SLCO2A1: variants seen among roughly 807,000 people sequenced by gnomAD.
SLCO2A1 encodes matrin F/G 1.
SLCO2A1 carries 60 observed loss-of-function variants against 71.7 expected under a neutral mutation model. That is an observed-to-expected ratio of 0.84 (90% confidence interval 0.68 to 1.04). SLCO2A1 has a LOEUF of 1.04. Ranked by LOEUF, SLCO2A1 falls within the 50% of genes least tolerant of loss-of-function variation. The pLI, the probability that SLCO2A1 is intolerant of heterozygous loss-of-function variation, is 0.00. For missense variants in SLCO2A1, 745 were observed against 813.4 expected (o/e 0.92, Z 1.02); for synonymous variants, 308 against 326.7 (o/e 0.94, Z 0.62).
chr3:133,952,489 A>C (rs573732009), intron 5 of SLCO2A1, among the ~76,000 whole-genome samples: 1 of 152,184 alleles, frequency 6.6e-6, no homozygotes, highest in Admixed American at 6.5e-5. Flanking sequence ...CACTCCCCAC[A>C]TTCTCCACCC....
At chr3:133,945,332 G>A in intron 9 of SLCO2A1, 72 bp from the exon 10 acceptor site, 1 of 1,427,792 alleles carries the variant, frequency 7.0e-7, no homozygotes, top group Non-Finnish European at 9.5e-7. Flanking sequence ...CCAGCCCAGT[G>A]TGAGTTCCTG....
chr3:134,005,438 C>T (rs937571270), intron 1 of SLCO2A1, among the ~76,000 whole-genome samples: 13 of 149,564 alleles, frequency 8.7e-5, no homozygotes, highest in African/African-American at 1.7e-4. Context: ...ATCTGAGATG[C>T]TGTAGCTTTG....
chr3:133,960,912 T>G (rs1576435611), intron 3 of SLCO2A1, among the ~76,000 whole-genome samples: 1 of 148,412 alleles, frequency 6.7e-6, no homozygotes. Context: ...AGTGGGGAGG[T>G]GAGGAGGAGA....
chr3:133,960,227 A>C (rs1229363976), intron 3 of SLCO2A1, among the ~76,000 whole-genome samples: 5 of 152,246 alleles, frequency 3.3e-5, no homozygotes, highest in Admixed American at 6.5e-5. Flanking sequence ...AAAAATTGAA[A>C]GCAAGGACTT....
At chr3:133,964,239 C>T (rs1200957707) in intron 3 of SLCO2A1, among the ~76,000 whole-genome samples, 1 of 152,196 alleles carries the variant, frequency 6.6e-6, no homozygotes. Context: ...CCAATCTTGG[C>T]TCTACTGCTT....
At chr3:133,941,781 T>C (rs958813948) in intron 11 of SLCO2A1, among the ~76,000 whole-genome samples, 2 of 152,166 alleles carry the variant, frequency 1.3e-5, no homozygotes, top group African/African-American at 4.8e-5. Context: ...TTCATCCTTT[T>C]CCATAGCCCT....
intron 1 of SLCO2A1, among the ~76,000 whole-genome samples, chr3:134,029,473 A>AACACACACACACACACTCGC (rs1935773422): frequency 6.7e-6 from 1 of 149,890 alleles, no homozygotes; most frequent in African/African-American, 2.5e-5. Flanking sequence ...AAGGCGTGTG[A>AACACACACACACACACTCGC]ACACACACAC....
chr3:133,963,957 G>A (rs1653850119), intron 3 of SLCO2A1, among the ~76,000 whole-genome samples: 1 of 152,228 alleles, frequency 6.6e-6, no homozygotes, highest in South Asian at 2.1e-4. Flanking sequence ...AAATTGGGTT[G>A]TTTGCAAATC....
At chr3:133,936,126 C>G (rs570779438) in intron 12 of SLCO2A1, among the ~76,000 whole-genome samples, 4 of 152,352 alleles carry the variant, frequency 2.6e-5, no homozygotes, top group South Asian at 4.1e-4. Context: ...TCTTTCAAGT[C>G]AGAGTAAGTC....
At chr3:133,978,844 C>T (rs1934519052) in intron 2 of SLCO2A1, among the ~76,000 whole-genome samples, 1 of 152,216 alleles carries the variant, frequency 6.6e-6, no homozygotes, top group African/African-American at 2.4e-5. Flanking sequence ...CTCTGACCTC[C>T]CACCTCCTCT....
At chr3:133,976,660 G>A (rs4854781) in intron 2 of SLCO2A1, among the ~76,000 whole-genome samples, 27,203 of 151,924 alleles carry the variant, frequency 0.18, 2,842 homozygotes, top group East Asian at 0.27. Context: ...CCTCAGCCCT[G>A]GAGCAGCCCC....
chr3:133,955,075 C>G lies in SLCO2A1; in HGVS notation c.516G>C (p.Leu172=), dbSNP rs765303659. ...CAGCCAGCAGCTGGGCAACCACCATCAGGCCCCACATGCTGCTGGTCTCCT... is the reference window on the plus strand; with the variant it reads ...CAGCCAGCAGCTGGGCAACCACCATGAGGCCCCACATGCTGCTGGTCTCCT... ...PQKETSSMWG[L]MVVAQLLAGI... is the part of the protein sequence containing the mutation. Residue 172 remains leucine (L), a synonymous_variant, in exon 4 of 14, where the codon CTG becomes CTC. Coordinates refer to ENST00000310926, the MANE Select transcript of SLCO2A1 (RefSeq NM_005630.3). 1.7e-5 allele frequency: 27 copies of G among 1,614,100 alleles called. 1 individual carries two copies. The South Asian group carries it at 2.3e-4, about 14-fold the overall frequency.
At chr3:133,964,270 A>G (rs563645222) in intron 3 of SLCO2A1, among the ~76,000 whole-genome samples, 26 of 152,330 alleles carry the variant, frequency 1.7e-4, no homozygotes, top group Admixed American at 7.2e-4. Context: ...GGCCTCTCGG[A>G]ATGAACCTCA....
intron 1 of SLCO2A1, among the ~76,000 whole-genome samples, chr3:134,001,185 T>A (rs961618084): frequency 2.2e-4 from 33 of 152,010 alleles, no homozygotes; most frequent in African/African-American, 8.0e-4. Flanking sequence ...TGGCACGATC[T>A]CAACTCACTG....
At chr3:134,008,114 G>A (rs1038568682) in intron 1 of SLCO2A1, among the ~76,000 whole-genome samples, 11 of 152,148 alleles carry the variant, frequency 7.2e-5, no homozygotes, top group African/African-American at 2.7e-4. Flanking sequence ...CTCCCCATAC[G>A]GAGGTTCTGT....
intron 3 of SLCO2A1, among the ~76,000 whole-genome samples, chr3:133,960,012 C>T (rs1047845601): frequency 2.0e-4 from 30 of 151,682 alleles, no homozygotes; most frequent in South Asian, 1.3e-3. Context: ...CCCAGCTACT[C>T]GGGAGGCTGA....
chr3:133,975,341 C>T (rs1403991528), intron 2 of SLCO2A1, among the ~76,000 whole-genome samples: 1 of 152,196 alleles, frequency 6.6e-6, no homozygotes, highest in Non-Finnish European at 1.5e-5. Flanking sequence ...ACTTCTCTCA[C>T]ACTCATATCT....
chr3:133,972,504 C>T (rs1191768079), intron 3 of SLCO2A1, among the ~76,000 whole-genome samples: 1 of 152,096 alleles, frequency 6.6e-6, no homozygotes, highest in Non-Finnish European at 1.5e-5. Context: ...TAAAGAAAAA[C>T]TCTAATTTTC....
intron 1 of SLCO2A1, among the ~76,000 whole-genome samples, chr3:134,013,701 A>C (rs1935386761): frequency 6.6e-6 from 1 of 152,194 alleles, no homozygotes; most frequent in Admixed American, 6.5e-5. Context: ...TATCTGGGAG[A>C]GCCAAGTTAG....
Sources: gnomAD v4.1 joint callset for allele counts (sites outside exome capture counted in the v4.1 genomes callset) on GRCh38, gnomAD v4.1.1 for gene constraint, MANE v1.5 for transcripts, NCBI Gene and HGNC (gene_info 2026-07-23, HGNC 2026-07-21) for gene names.